The following SP3 variants were observed in gnomAD, a reference collection of about 807,000 sequenced individuals.
SP3 encodes the protein transcription factor Sp3.
In SP3, 10 loss-of-function variants were observed where a neutral mutation model predicts 70.3. That is an observed-to-expected ratio of 0.14 (90% confidence interval 0.09 to 0.24). SP3 has a LOEUF of 0.24. Ranked by LOEUF, SP3 falls within the 10% of genes least tolerant of loss-of-function variation. The pLI is 1.00. For missense variants in SP3, 825 were observed against 914.6 expected, an observed-to-expected ratio of 0.90 and a Z score of 1.26; for synonymous variants, 402 against 333.5, an observed-to-expected ratio of 1.21 and a Z score of -2.24.
At chr2:173,940,571 T>C (rs1690342335) in intron 4 of SP3, among the ~76,000 whole-genome samples, 1 of 152,132 alleles carries the variant, frequency 6.6e-6, no homozygotes, top group South Asian at 2.1e-4. Flanking sequence ...AACAAAAATA[T>C]GGCAGAAACA....
At chr2:173,947,703 T>C (rs1329843652) in intron 4 of SP3, among the ~76,000 whole-genome samples, 2 of 152,342 alleles carry the variant, frequency 1.3e-5, no homozygotes, top group East Asian at 1.9e-4. Flanking sequence ...CATCTCCTAA[T>C]TGTTGATTTT....
chr2:173,904,184 C>T lies in SP3; in HGVS notation c.*5757G>A, dbSNP rs1689250113. ...GAGCTCAGGCAGGAATGCTCGCTTA[C>T]CTCCTGCTGTATGGCCTGGTTCCTC... On this transcript the variant is annotated 3_prime_UTR_variant, in exon 7 of 7. Coordinates refer to ENST00000310015, the MANE Select transcript of SP3 (RefSeq NM_003111.5). Among the ~76,000 whole-genome samples the T allele has an allele frequency of 6.6e-6, 1 of 152,140 alleles. No individual in the cohort carries two copies. Among genetic ancestry groups the T allele is most frequent in the Non-Finnish European group, 1.5e-5 (1 of 68,020 alleles).
At chr2:173,938,320 G>A (rs559822349) in intron 4 of SP3, among the ~76,000 whole-genome samples, 3 of 151,942 alleles carry the variant, frequency 2.0e-5, no homozygotes, top group Non-Finnish European at 4.4e-5. Context: ...AGCCGGGCGT[G>A]GTGGTGGGCG....
chr2:173,949,868 A>AT (rs1385944363), intron 4 of SP3, among the ~76,000 whole-genome samples: 2 of 152,212 alleles, frequency 1.3e-5, no homozygotes, highest in East Asian at 3.8e-4. Context: ...GTCTTGAAAG[A>AT]TTAACTGTAT....
chr2:173,964,457 T>C lies in SP3; in HGVS notation c.104A>G (p.Gln35Arg), dbSNP rs1337656931. The C allele has an allele frequency of 8.3e-6, 6 of 724,982 alleles. No homozygotes were observed. The highest frequency in any genetic ancestry group is 1.5e-5 in the Non-Finnish European group (6 of 394,026). The allele number at this position is 724,982 out of a possible 1,614,324, so 44.9% of individuals were successfully genotyped here. The change falls in exon 2 of 7, where the codon CAG becomes CGG. Residue 35 changes from glutamine (Q) to arginine (R), a missense_variant. Physicochemically the swap from Gln to Arg is conservative, Grantham distance 43 (BLOSUM62 1). Around this residue, in one of 4 missense-constraint regions of SP3, gnomAD observed 678 missense variants for 651.6 expected, o/e 1.04. Transcript: ENST00000310015. ...ACCGTTTCCGTGCTGTTGCTGCTGC[T>C]GCAGATACTCGCCGTGGCCGCCGCC... ...GGGGGHGEYL[Q>R]QQQQHGNGAV...
intron 4 of SP3, among the ~76,000 whole-genome samples, chr2:173,927,112 CAAG>C (rs1344219644): frequency 1.3e-5 from 2 of 151,924 alleles, no homozygotes; most frequent in Non-Finnish European, 2.9e-5. Flanking sequence ...CTAGATCTCA[CAAG>C]AACTCACTAT....
In SP3 at chr2:173,905,073, C is replaced by T. The variant is rs1689278106; in HGVS notation, c.*4868G>A. On this transcript the variant is annotated 3_prime_UTR_variant, in exon 7 of 7. Transcript: ENST00000310015. ...TTCAGTCTTTTCTTCTTATTCCATC[C>T]TTTTCTGATAGGGCAGTCACTTCAG... 6.6e-6 allele frequency among the ~76,000 whole-genome samples: 1 copy of T among 152,162 alleles called. No homozygotes were observed.
chr2:173,965,047 A>T (rs1691247959), intron 1 of SP3, 118 bp downstream of exon 1: 2 of 1,368,978 alleles, frequency 1.5e-6, no homozygotes, highest in Admixed American at 4.2e-5. Context: ...TCTGCCTCTC[A>T]CAGACACTCG....
rs143573039 is a variant in SP3, at chr2:173,942,031, C to T, written c.1639+12842G>A. ...GTGCCAGACCCTGCATTTAAAAAGT[C>T]TAGAATAGTAACTTGAGGCTCAGAA... On this transcript the variant is annotated intron_variant, in intron 4 of 6. Coordinates refer to ENST00000310015, the MANE Select transcript of SP3 (RefSeq NM_003111.5). 6.5e-3 allele frequency among the ~76,000 whole-genome samples: 985 copies of T among 152,314 alleles called. 17 individuals are homozygous for T. Among genetic ancestry groups the T allele is most frequent in the East Asian group, 0.038 (195 of 5,186 alleles).
intron 4 of SP3, among the ~76,000 whole-genome samples, chr2:173,926,437 C>A (rs545145006): frequency 1.3e-5 from 2 of 152,030 alleles, no homozygotes; most frequent in Non-Finnish European, 2.9e-5. Flanking sequence ...ACCAAGAATA[C>A]AAAAATGAGG....
chr2:173,942,637 C>T (rs1690406586), intron 4 of SP3, among the ~76,000 whole-genome samples: 1 of 152,128 alleles, frequency 6.6e-6, no homozygotes, highest in Non-Finnish European at 1.5e-5. Context: ...CCAACCTGAC[C>T]ACTAGATTCT....
intron 4 of SP3, among the ~76,000 whole-genome samples, chr2:173,938,688 C>T (rs918130544): frequency 3.3e-5 from 5 of 151,808 alleles, no homozygotes; most frequent in Admixed American, 6.6e-5. Flanking sequence ...ATTAAACAAG[C>T]GGTAATTCAA....
At chr2:173,964,809 C>T (rs1237014903) in intron 1 of SP3, 3 of 469,576 alleles carry the variant, frequency 6.4e-6, no homozygotes, top group East Asian at 7.4e-5. Flanking sequence ...CCCCTGCCCC[C>T]TCTCCTCTCC....
chr2:173,964,753 C>G (rs1383036997), intron 1 of SP3, 200 bp from the exon 2 acceptor site: 1 of 420,340 alleles, frequency 2.4e-6, no homozygotes, highest in Non-Finnish European at 4.2e-6. Flanking sequence ...CTGCCTGTAA[C>G]CCTCCTCCTC....
At chr2:173,934,021 C>T (rs1434391310) in intron 4 of SP3, among the ~76,000 whole-genome samples, 1 of 151,922 alleles carries the variant, frequency 6.6e-6, no homozygotes, top group Non-Finnish European at 1.5e-5. Context: ...AGCTTGAGCC[C>T]AGGTGTTCAA....
chr2:173,954,419 T>C (rs903377025), intron 4 of SP3, among the ~76,000 whole-genome samples: 1 of 152,138 alleles, frequency 6.6e-6, no homozygotes, highest in African/African-American at 2.4e-5. Flanking sequence ...AAAAATAACT[T>C]GGTCAAAATC....
At chr2:173,942,907 A>C (rs1440055318) in intron 4 of SP3, among the ~76,000 whole-genome samples, 1 of 152,190 alleles carries the variant, frequency 6.6e-6, no homozygotes, top group Non-Finnish European at 1.5e-5. Flanking sequence ...AATACAGTAC[A>C]ACTATATATA....
intron 4 of SP3, among the ~76,000 whole-genome samples, chr2:173,921,437 T>A (rs1251954877): frequency 6.6e-6 from 1 of 152,106 alleles, no homozygotes; most frequent in Non-Finnish European, 1.5e-5. Flanking sequence ...GCCTGTAATA[T>A]CAGCACTTTG....
intron 5 of SP3, chr2:173,913,777 T>C (rs537372782): frequency 6.6e-6 from 1 of 152,200 alleles, no homozygotes; most frequent in East Asian, 1.9e-4. Context: ...TTTGTTCATA[T>C]TTGTGTGGCC....
Sources: gnomAD v4.1 joint callset for allele counts (sites outside exome capture counted in the v4.1 genomes callset) on GRCh38, gnomAD v4.1.1 for gene constraint, gnomAD v4.1.1 regional missense constraint, MANE v1.5 for transcripts, NCBI Gene and HGNC (gene_info 2026-07-23, HGNC 2026-07-21) for gene names.